The following TMEM184C variants were observed in gnomAD, a reference collection of about 807,000 sequenced individuals.
TMEM184C encodes transmembrane protein 34.
In TMEM184C, 25 loss-of-function variants were observed where a neutral mutation model predicts 54.5. That is an observed-to-expected ratio of 0.46 (90% confidence interval 0.33 to 0.64). The LOEUF is 0.64. TMEM184C is among the 30% of genes least tolerant of loss of function. The probability of loss-of-function intolerance (pLI) is 0.02; values close to 1 mark genes in which losing one functional copy is unlikely to be tolerated. For synonymous variants in TMEM184C, 148 were observed against 181.5 expected (o/e 0.82, Z 1.49); for missense variants, 335 against 520.3 (o/e 0.64, Z 3.46).
Position 147,634,277 on chromosome 4 carries a change from C to T in TMEM184C, c.1160C>T (p.Ala387Val). 1 of 1,614,190 alleles carries T rather than the reference C, an allele frequency of 6.2e-7. No individual in the cohort carries two copies. The highest frequency in any genetic ancestry group is 1.3e-5 in the African/African-American group (1 of 75,036). ...TCATCACAAGATGCAATTTCCATTG[C>T]TTCTTCTATGCCACCTTCACCCATG... ...SSSSQDAISIASSMPPSPMGH... is the reference protein window; with the variant it reads ...SSSSQDAISIVSSMPPSPMGH... Residue 387 changes from alanine to valine, a missense_variant, in exon 10 of 10, where the codon GCT (alanine) becomes GTT (valine). Coordinates refer to ENST00000296582, the MANE Select transcript of TMEM184C (RefSeq NM_018241.3).
intron 7 of TMEM184C, among the ~76,000 whole-genome samples, chr4:147,632,024 A>C (rs2126554269): frequency 1.3e-5 from 2 of 152,200 alleles, no homozygotes; most frequent in Admixed American, 1.3e-4. Context: ...AAATACAAAA[A>C]TCAGCCAGGC....
chr4:147,631,535 A>AT lies in TMEM184C; in HGVS notation c.779+37dup. 5.1e-6 allele frequency: 8 copies of AT among 1,557,078 alleles called. No individual in the cohort carries two copies. In the Admixed American group the frequency reaches 7.1e-5, roughly 14 times the overall value. On this transcript the variant is annotated intron_variant, in intron 7 of 9. Transcript: ENST00000296582. ...GTGTTACTTTTTTTTAAATGTTCTC[A>AT]TTTTTTTAAGGGCAGTAAAAACCGT...
intron 4 of TMEM184C, among the ~76,000 whole-genome samples, chr4:147,627,856 A>AC (rs1382964070): frequency 6.9e-6 from 1 of 145,856 alleles, no homozygotes; most frequent in African/African-American, 2.6e-5. Flanking sequence ...ACATAGTGAG[A>AC]CCCCATGTCT....
At chr4:147,630,044 A>G (rs1464665301) in intron 6 of TMEM184C, among the ~76,000 whole-genome samples, 1 of 151,786 alleles carries the variant, frequency 6.6e-6, no homozygotes, top group African/African-American at 2.4e-5. Context: ...CATATACTGA[A>G]CATATTCAGA....
chr4:147,625,974 T>C (rs573654274), intron 4 of TMEM184C, among the ~76,000 whole-genome samples: 12 of 152,156 alleles, frequency 7.9e-5, no homozygotes, highest in Middle Eastern at 3.4e-3. Context: ...TGAGTGCTGA[T>C]TGGAGAGAGG....
intron 8 of TMEM184C, 69 bp downstream of exon 8, chr4:147,633,071 A>G: frequency 1.5e-6 from 2 of 1,317,058 alleles, no homozygotes; most frequent in Non-Finnish European, 2.2e-6. Context: ...TATCTCCACT[A>G]AACCTGACAA....
At chr4:147,627,822 A>G (rs978916842) in intron 4 of TMEM184C, among the ~76,000 whole-genome samples, 5 of 151,216 alleles carry the variant, frequency 3.3e-5, no homozygotes, top group Non-Finnish European at 7.4e-5. Flanking sequence ...ACTTGAGCCC[A>G]GGAGGTCAAG....
At position 147,624,995 on chromosome 4, in the gene TMEM184C, A is replaced by G. The variant is rs1312527011; in HGVS notation, c.483A>G (p.Pro161=). The change falls in exon 4 of 10, where the codon CCA becomes CCG. Residue 161 remains proline, a synonymous_variant. Transcript: ENST00000296582. ...KHFPPLCCCP[P]WAMGEVLLFR... ...TCCCTCCTTTATGTTGCTGTCCACC[A>G]TGGGCTATGGGAGAGTAAGTATGTT... 3 of 1,613,656 alleles carry G rather than the reference A, an allele frequency of 1.9e-6. No homozygotes were observed. Among genetic ancestry groups the G allele is most frequent in the South Asian group, 2.2e-5 (2 of 91,072 alleles).
At chr4:147,631,548 C>G in intron 7 of TMEM184C, 43 bp downstream of exon 7, 1 of 1,427,778 alleles carries the variant, frequency 7.0e-7, no homozygotes, top group Non-Finnish European at 9.8e-7. Flanking sequence ...TTTTTAAGGG[C>G]AGTAAAAACC....
Position 147,623,964 on chromosome 4 carries a change from G to A in TMEM184C, c.254G>A (p.Arg85Lys). 1 of 1,613,626 alleles carries A rather than the reference G, an allele frequency of 6.2e-7. No homozygotes were observed. The highest frequency in any genetic ancestry group is 1.1e-5 in the South Asian group (1 of 91,028). The change falls in exon 2 of 10, where the codon AGG (arginine) becomes AAG (lysine). Residue 85 changes from arginine to lysine, a missense_variant and splice_region_variant. Arg to Lys is a conservative substitution (Grantham distance 26). Coordinates refer to ENST00000296582, the MANE Select transcript of TMEM184C (RefSeq NM_018241.3). The stretch of plus-strand genomic sequence containing the variant: ...CCTGAACTACAAAAACCAATAATAA[G>A]GTATGTCTTAATAATTTTGATTCCA... ...TQPELQKPII[R>K]ILWMVPIYSL... is the part of the protein sequence containing the mutation.
At position 147,636,469 on chromosome 4, in the gene TMEM184C, A is replaced by G. The variant is rs892222334; in HGVS notation, c.*2035A>G. 7.2e-5 allele frequency: 11 copies of G among 152,172 alleles called. No homozygotes were observed. Among genetic ancestry groups the G allele is most frequent in the African/African-American group, 2.4e-4 (10 of 41,464 alleles). 9.4% of individuals were successfully genotyped at this position (152,172 alleles called of 1,614,324 possible). A position where few individuals can be genotyped will look rare whatever the true frequency, so the allele number is the denominator to read the frequency against. On this transcript the variant is annotated 3_prime_UTR_variant, in exon 10 of 10. Transcript: ENST00000296582. ...AATCAGACCCTTATCTTAGACCTAC[A>G]CAACAATCAATTCAAAATGGATAAA...
intron 6 of TMEM184C, among the ~76,000 whole-genome samples, 191 bp from the exon 7 acceptor site, chr4:147,631,201 CG>C (rs1560954537): frequency 6.6e-6 from 1 of 152,006 alleles, no homozygotes. Flanking sequence ...AACATTTTTA[CG>C]GAAGATGTTG....
chr4:147,624,212 TA>T, intron 3 of TMEM184C, 114 bp downstream of exon 3: 1 of 851,714 alleles, frequency 1.2e-6, no homozygotes, highest in Admixed American at 3.1e-5. Flanking sequence ...GATTAATAAG[TA>T]AAAAGGTTCA....
Position 147,636,077 on chromosome 4 carries a change from T to C in TMEM184C, c.*1643T>C, listed in dbSNP as rs1733034219. On this transcript the variant is annotated 3_prime_UTR_variant, in exon 10 of 10. Coordinates refer to ENST00000296582, the MANE Select transcript of TMEM184C (RefSeq NM_018241.3). ...ACTACCCAAAGCAATTCAGAATCAA[T>C]GCAATCCTATCAAAATTCCAATGGC... The C allele has an allele frequency of 6.6e-6, 1 of 152,026 alleles. No individual in the cohort carries two copies. Among genetic ancestry groups the C allele is most frequent in the Non-Finnish European group, 1.5e-5 (1 of 67,964 alleles). 9.4% of individuals were successfully genotyped at this position (152,026 alleles called of 1,614,324 possible).
chr4:147,632,647 T>C lies in TMEM184C; in HGVS notation c.780-256T>C, dbSNP rs570825363. ...ATGTCATTATTTGCTGTTTAAATTTTACCTGGGGCCATTATCTCTAGATTT... is the reference window on the plus strand; with the variant it reads ...ATGTCATTATTTGCTGTTTAAATTTCACCTGGGGCCATTATCTCTAGATTT... On this transcript the variant is annotated intron_variant, in intron 7 of 9. Coordinates refer to ENST00000296582, the MANE Select transcript of TMEM184C (RefSeq NM_018241.3). 2.8e-4 allele frequency: 111 copies of C among 396,924 alleles called. 1 individual carries two copies. The highest frequency in any genetic ancestry group is 2.8e-4 in the Admixed American group (7 of 24,658). 24.6% of individuals were successfully genotyped at this position (396,924 alleles called of 1,614,324 possible).
At chr4:147,622,214 A>AT (rs1251606935) in intron 1 of TMEM184C, among the ~76,000 whole-genome samples, 1 of 151,960 alleles carries the variant, frequency 6.6e-6, no homozygotes, top group East Asian at 1.9e-4. Context: ...AAGTGTTGGG[A>AT]TTACAGGCAT....
intron 1 of TMEM184C, among the ~76,000 whole-genome samples, chr4:147,619,747 G>A (rs1181100238): frequency 6.6e-6 from 1 of 152,152 alleles, no homozygotes; most frequent in East Asian, 1.9e-4. Context: ...TAGTTTTTAG[G>A]TACCACTAGC....
chr4:147,628,563 C>A, intron 5 of TMEM184C, 128 bp downstream of exon 5: 3 of 731,628 alleles, frequency 4.1e-6, no homozygotes, highest in South Asian at 1.9e-5. Context: ...TAAAAAAAAA[C>A]ACTGTATAGA....
Position 147,618,054 on chromosome 4 carries a change from G to C in TMEM184C, c.98G>C (p.Cys33Ser), listed in dbSNP as rs781138680. ...TCAATAGTGGTTGCGGTTCCCCTAT[G>C]CGTGTGGGAATTACAGAAACTGGAG... ...LVSIVVAVPL[C>S]VWELQKLEVG... Residue 33 changes from cysteine (C) to serine (S), a missense_variant, in exon 1 of 10, where the codon TGC (cysteine) becomes TCC (serine). Coordinates refer to ENST00000296582, the MANE Select transcript of TMEM184C (RefSeq NM_018241.3). 1.2e-6 allele frequency: 2 copies of C among 1,614,148 alleles called. No individual in the cohort carries two copies. Among genetic ancestry groups the C allele is most frequent in the Non-Finnish European group, 1.7e-6 (2 of 1,179,998 alleles).
Sources: allele counts gnomAD v4.1 joint callset (sites outside exome capture counted in the v4.1 genomes callset), GRCh38; gene constraint gnomAD v4.1.1; transcripts MANE v1.5; gene names NCBI Gene and HGNC (gene_info 2026-07-23, HGNC 2026-07-21).